Variants in NKD1 observed in about 807,000 individuals in gnomAD.
NKD1 encodes the protein NKD inhibitor of Wnt signaling pathway 1.
Under a neutral mutation model 56.0 loss-of-function variants are expected in NKD1, and 21 were observed. That is an observed-to-expected ratio of 0.38 (90% CI 0.27 to 0.54). NKD1 has a LOEUF of 0.54. Among genes scored for constraint, NKD1 ranks in the 20% least tolerant of loss-of-function variants. NKD1 has a pLI of 0.82. For synonymous variants in NKD1, 263 were observed against 265.7 expected, an observed-to-expected ratio of 0.99 and a Z score of 0.10; for missense variants, 578 against 642.7, an observed-to-expected ratio of 0.90 and a Z score of 1.09.
rs750199438 is a variant in NKD1 at position 50,633,213 on chromosome 16, A to G, written c.845A>G (p.Lys282Arg). Residue 282 changes from lysine to arginine, a missense_variant, in exon 10 of 10, where the codon AAG becomes AGG. Coordinates refer to ENST00000268459, the MANE Select transcript of NKD1 (RefSeq NM_033119.5). The surrounding 1 kb of genome is among the most constrained non-coding windows in gnomAD (Gnocchi z 4.9). ...FGPGSPSVAQKSELPPRTSNP... is the reference protein window; with the variant it reads ...FGPGSPSVAQRSELPPRTSNP... Reference sequence around the variant, plus strand: ...CTAGGCTCCCCTTCCGTGGCCCAGAAGTCAGAACTGCCCCCCCGCACCTCC... The same window carrying G: ...CTAGGCTCCCCTTCCGTGGCCCAGAGGTCAGAACTGCCCCCCCGCACCTCC... 1 of 1,609,606 alleles carries G rather than the reference A, an allele frequency of 6.2e-7. No homozygotes were observed. The highest frequency in any genetic ancestry group is 1.1e-5 in the South Asian group (1 of 90,640).
Position 50,549,468 on chromosome 16 carries a change from G to C in NKD1, c.105G>C (p.Glu35Asp). 1.9e-6 allele frequency: 3 copies of C among 1,611,414 alleles called. No homozygotes were observed. In the South Asian group the frequency reaches 3.3e-5, roughly 18 times the overall value. The change falls in exon 3 of 10, where the codon GAG becomes GAC. Residue 35 changes from glutamate (E) to aspartate (D), a missense_variant. Transcript: ENST00000268459. ...CTGCCTGGGCTCGGAAGGGCATCGAGGAGTGGATCGGGAGACAGCGCTGCC... is the reference window on the plus strand; with the variant it reads ...CTGCCTGGGCTCGGAAGGGCATCGACGAGTGGATCGGGAGACAGCGCTGCC... Reference protein sequence around the residue: ...VSAAWARKGIEEWIGRQRCPG... With the variant: ...VSAAWARKGIDEWIGRQRCPG...
rs1962661854 is a variant in NKD1, at chr16:50,645,551, C to T, written c.*11770C>T. On this transcript the variant is annotated 3_prime_UTR_variant, in exon 10 of 10. Transcript: ENST00000268459. The stretch of plus-strand genomic sequence containing the variant: ...ATGGTGGAGAGTCTGCTTGTCACCC[C>T]AAGAGACACATCAGGAAGCTAGGTG... 6.6e-6 allele frequency: 1 copy of T among 152,162 alleles called. No individual in the cohort carries two copies. Among genetic ancestry groups the T allele is most frequent in the South Asian group, 2.1e-4 (1 of 4,818 alleles). The allele number at this position is 152,162 out of a possible 1,614,324, so 9.4% of individuals were successfully genotyped here.
At chr16:50,549,016 C>T in intron 2 of NKD1, 5 of 748,098 alleles carry the variant, frequency 6.7e-6, no homozygotes, top group Non-Finnish European at 8.1e-6. Flanking sequence ...GGCACCCTCT[C>T]TTCAGACCCC....
intron 3 of NKD1, among the ~76,000 whole-genome samples, chr16:50,593,564 C>G (rs1210729887): frequency 6.6e-6 from 1 of 152,232 alleles, no homozygotes; most frequent in Middle Eastern, 3.4e-3. Flanking sequence ...GTTGTGTGCC[C>G]GGCCCTGACC....
At chr16:50,558,731 A>T (rs1251723415) in intron 3 of NKD1, 1 of 151,744 alleles carries the variant, frequency 6.6e-6, no homozygotes, top group Non-Finnish European at 1.5e-5. Context: ...AAAAAAAAAA[A>T]AAAAAGAAAG....
chr16:50,577,005 C>T (rs1004005515), intron 3 of NKD1, among the ~76,000 whole-genome samples: 5 of 152,166 alleles, frequency 3.3e-5, no homozygotes, highest in African/African-American at 7.2e-5. Context: ...CATTGTGTTG[C>T]GGAGGCCACC....
intron 3 of NKD1, among the ~76,000 whole-genome samples, chr16:50,579,354 C>G (rs372586697): frequency 6.3e-5 from 9 of 142,884 alleles, no homozygotes; most frequent in East Asian, 4.3e-4. Context: ...CACTGTCTTA[C>G]TCCTGCGGGC....
intron 3 of NKD1, among the ~76,000 whole-genome samples, chr16:50,572,007 G>T (rs1273937295): frequency 6.6e-6 from 1 of 152,078 alleles, no homozygotes; most frequent in Non-Finnish European, 1.5e-5. Flanking sequence ...GCCCAACTCG[G>T]GGCCTTTGCA....
chr16:50,579,141 C>T (rs561029259), intron 3 of NKD1, among the ~76,000 whole-genome samples: 84 of 151,888 alleles, frequency 5.5e-4, no homozygotes, highest in African/African-American at 1.8e-3. Context: ...GCGGGCTACC[C>T]GCAACACACG....
intron 3 of NKD1, chr16:50,571,109 G>A: frequency 3.7e-6 from 2 of 536,250 alleles, no homozygotes; most frequent in Non-Finnish European, 4.8e-6. Flanking sequence ...GGGAAGGAGG[G>A]GCTGCCCATG....
At chr16:50,591,837 C>T (rs1045994120) in intron 3 of NKD1, among the ~76,000 whole-genome samples, 3 of 152,200 alleles carry the variant, frequency 2.0e-5, no homozygotes, top group Non-Finnish European at 4.4e-5. Context: ...TGTGGCAATG[C>T]GTTCTCCAGG....
In NKD1 at chr16:50,571,996, T is replaced by C. The variant is rs114410607; in HGVS notation, c.192+22441T>C. Reference sequence around the variant, plus strand: ...TCCCTTCTGGAACACACCCATCACATGCCCAACTCGGGGCCTTTGCACGCT... The same window carrying C: ...TCCCTTCTGGAACACACCCATCACACGCCCAACTCGGGGCCTTTGCACGCT... On this transcript the variant is annotated intron_variant, in intron 3 of 9. Transcript: ENST00000268459. Among the ~76,000 whole-genome samples the C allele has an allele frequency of 4.0e-3, 616 of 152,294 alleles. 3 individuals are homozygous for C. The highest frequency in any genetic ancestry group is 0.014 in the African/African-American group (597 of 41,566).
chr16:50,615,866 A>C (rs1961948281), intron 4 of NKD1, among the ~76,000 whole-genome samples: 1 of 152,202 alleles, frequency 6.6e-6, no homozygotes, highest in Admixed American at 6.5e-5. Context: ...CTGTGTTTAC[A>C]AACAGAGGTG....
chr16:50,553,630 C>A (rs1183434888), intron 3 of NKD1: 2 of 152,242 alleles, frequency 1.3e-5, no homozygotes, highest in African/African-American at 2.4e-5. Context: ...GGCCCCATGT[C>A]TTTGCCATAT....
rs561621873 is a variant in NKD1, at chr16:50,592,995, T to G, written c.193-15299T>G. Among the ~76,000 whole-genome samples the G allele has an allele frequency of 2.0e-5, 3 of 152,274 alleles. 1 individual carries two copies. The highest frequency in any genetic ancestry group is 7.2e-5 in the African/African-American group (3 of 41,552). On this transcript the variant is annotated intron_variant, in intron 3 of 9. Transcript: ENST00000268459. Reference sequence around the variant, plus strand: ...ATTATATGGGCAGTCCAGGTATAAGTACCTATGTTTATCTCACAAATAGGG... The same window carrying G: ...ATTATATGGGCAGTCCAGGTATAAGGACCTATGTTTATCTCACAAATAGGG...
chr16:50,604,819 C>T (rs1283589613), intron 3 of NKD1, among the ~76,000 whole-genome samples: 1 of 152,234 alleles, frequency 6.6e-6, no homozygotes, highest in Non-Finnish European at 1.5e-5. Flanking sequence ...CTGGCCCTGA[C>T]ATGTGGGGCT....
At chr16:50,627,948 GC>G (rs1234306634) in intron 6 of NKD1, among the ~76,000 whole-genome samples, 1 of 152,152 alleles carries the variant, frequency 6.6e-6, no homozygotes, top group Non-Finnish European at 1.5e-5. Context: ...TTCATGGGCT[GC>G]CCAAGATAGA....
intron 3 of NKD1, chr16:50,574,399 GGCT>G: frequency 1.0e-6 from 1 of 985,414 alleles, no homozygotes; most frequent in Non-Finnish European, 1.2e-6. Context: ...CTGGTGTCCT[GGCT>G]GAGTCGACAT....
At chr16:50,574,931 C>A (rs555690165) in intron 3 of NKD1, 1 of 984,832 alleles carries the variant, frequency 1.0e-6, no homozygotes, top group African/African-American at 1.8e-5. Flanking sequence ...AAACTTTTTC[C>A]TTTTCCCTTT....
Sources: gnomAD v4.1 joint callset for allele counts (sites outside exome capture counted in the v4.1 genomes callset) on GRCh38, gnomAD v4.1.1 for gene constraint, Gnocchi (gnomAD v3.1) non-coding constraint, MANE v1.5 for transcripts, NCBI Gene and HGNC (gene_info 2026-07-23, HGNC 2026-07-21) for gene names.